ABLIM1: variants seen among roughly 807,000 people sequenced by gnomAD.
ABLIM1 encodes actin binding LIM protein 1.
A neutral mutation model predicts 107.0 loss-of-function variants in ABLIM1; 40 were observed. The observed-to-expected ratio is 0.37, with a 90% CI of 0.29 to 0.49. ABLIM1 has a LOEUF of 0.49. Among genes scored for constraint, ABLIM1 ranks in the 20% least tolerant of loss-of-function variants. The pLI is 0.97. For synonymous variants in ABLIM1, 357 were observed against 357.3 expected (o/e 1.00, Z 0.01); for missense variants, 857 against 1,008.5 (o/e 0.85, Z 2.04).
intron 1 of ABLIM1, among the ~76,000 whole-genome samples, chr10:114,692,842 G>A (rs2081111520): frequency 6.6e-6 from 1 of 152,162 alleles, no homozygotes; most frequent in Admixed American, 6.5e-5. Context: ...GTGAGCTGAG[G>A]TGGTGCCACT....
At chr10:114,699,056 GA>G (rs1449907507) in intron 1 of ABLIM1, among the ~76,000 whole-genome samples, 1 of 136,336 alleles carries the variant, frequency 7.3e-6, no homozygotes, top group African/African-American at 2.8e-5. Flanking sequence ...TTATGATTCA[GA>G]GCCTGGACGA....
the ABLIM1 span, among the ~76,000 whole-genome samples, chr10:114,781,664 G>GTATATATATATATA: frequency 2.0e-4 from 28 of 143,354 alleles, no homozygotes; most frequent in African/African-American, 3.3e-4. Context: ...ATATATGCGT[G>GTATATATATATATA]TATATATATA....
intron 12 of ABLIM1, chr10:114,463,185 G>A (rs1169731961): frequency 3.2e-6 from 4 of 1,249,118 alleles, no homozygotes; most frequent in Admixed American, 2.5e-5. Context: ...AGGAGTCAGG[G>A]GCAGGGCACG....
intron 2 of ABLIM1, 153 bp downstream of exon 2, chr10:114,601,674 C>T (rs1262761065): frequency 3.8e-6 from 5 of 1,300,334 alleles, no homozygotes; most frequent in South Asian, 1.2e-5. Context: ...TAGAGTCTAA[C>T]TGAATCCCAA....
chr10:114,449,690 A>G (rs993345166), intron 14 of ABLIM1, among the ~76,000 whole-genome samples: 1 of 152,244 alleles, frequency 6.6e-6, no homozygotes, highest in African/African-American at 2.4e-5. Context: ...TCCCCTTCTT[A>G]AAGATGGACA....
chr10:114,788,642 C>A, the ABLIM1 span, among the ~76,000 whole-genome samples: 2 of 152,040 alleles, frequency 1.3e-5, no homozygotes, highest in African/African-American at 4.8e-5. Context: ...GCAGGAGAAT[C>A]GCTAGAACCT....
At chr10:114,702,361 A>G (rs1056163853) in intron 1 of ABLIM1, among the ~76,000 whole-genome samples, 2 of 152,220 alleles carry the variant, frequency 1.3e-5, no homozygotes, top group African/African-American at 4.8e-5. Context: ...AATGAAACAT[A>G]CAAATCTGGA....
intron 1 of ABLIM1, among the ~76,000 whole-genome samples, chr10:114,681,344 T>C (rs1283564776): frequency 6.6e-6 from 1 of 152,132 alleles, no homozygotes; most frequent in African/African-American, 2.4e-5. Context: ...TACAGGCGTG[T>C]GTCACCATGC....
chr10:114,490,974 A>ATGTGTGTGTGTGTGTGTGTGTGTGTGTG (rs140256636), intron 7 of ABLIM1, among the ~76,000 whole-genome samples: 1 of 99,276 alleles, frequency 1.0e-5, no homozygotes, highest in African/African-American at 3.9e-5. Flanking sequence ...CGGCATATAT[A>ATGTGTGTGTGTGTGTGTGTGTGTGTGTG]TGTGTGTGTG....
chr10:114,488,569 C>A (rs2058500790), intron 7 of ABLIM1, among the ~76,000 whole-genome samples: 2 of 152,112 alleles, frequency 1.3e-5, no homozygotes, highest in Non-Finnish European at 2.9e-5. Flanking sequence ...AATTATAAAT[C>A]CAAAAATTGC....
upstream of ABLIM1, among the ~76,000 whole-genome samples, chr10:114,771,510 T>C (rs2083024697): frequency 6.6e-6 from 1 of 152,222 alleles, no homozygotes; most frequent in Non-Finnish European, 1.5e-5. Flanking sequence ...TCTTACATTT[T>C]GGAGTTGTGA....
At chr10:114,607,818 GTGA>G (rs2076528471) in intron 1 of ABLIM1, among the ~76,000 whole-genome samples, 1 of 152,220 alleles carries the variant, frequency 6.6e-6, no homozygotes, top group Non-Finnish European at 1.5e-5. Flanking sequence ...CTACGGAGAT[GTGA>G]TGACTAAACG....
intron 4 of ABLIM1, among the ~76,000 whole-genome samples, chr10:114,562,565 T>C (rs1449357128): frequency 6.6e-6 from 1 of 152,320 alleles, no homozygotes; most frequent in East Asian, 1.9e-4. Context: ...CATGTTTTGA[T>C]TCTGTTATCA....
chr10:114,706,884 G>A (rs1178484350), intron 1 of ABLIM1, among the ~76,000 whole-genome samples: 1 of 151,874 alleles, frequency 6.6e-6, no homozygotes, highest in African/African-American at 2.4e-5. Context: ...GCCCTGCCCA[G>A]TCCTAAAGAA....
intron 1 of ABLIM1, among the ~76,000 whole-genome samples, chr10:114,618,003 G>A (rs1051179718): frequency 6.6e-6 from 1 of 152,156 alleles, no homozygotes; most frequent in East Asian, 1.9e-4. Flanking sequence ...TATAATGCAT[G>A]ATGGTAATTG....
the ABLIM1 span, among the ~76,000 whole-genome samples, chr10:114,800,172 T>C: frequency 6.6e-6 from 1 of 152,180 alleles, no homozygotes; most frequent in South Asian, 2.1e-4. Context: ...AAAATTCCTA[T>C]GCCCTTACCT....
chr10:114,692,850 A>T (rs1467842885), intron 1 of ABLIM1, among the ~76,000 whole-genome samples: 1 of 152,248 alleles, frequency 6.6e-6, no homozygotes, highest in African/African-American at 2.4e-5. Flanking sequence ...AGGTGGTGCC[A>T]CTGCATTCCT....
intron 2 of ABLIM1, among the ~76,000 whole-genome samples, chr10:114,600,588 C>T (rs2075882329): frequency 6.6e-6 from 1 of 152,132 alleles, no homozygotes; most frequent in Admixed American, 6.5e-5. Flanking sequence ...GGATAGATGG[C>T]TTAGGATGAC....
intron 1 of ABLIM1, chr10:114,767,987 G>A (rs2082945619): frequency 7.3e-6 from 3 of 410,130 alleles, no homozygotes; most frequent in East Asian, 2.1e-4. Flanking sequence ...CGCGGCTGTC[G>A]CAGCCCCCCC....
Sources: gnomAD v4.1 joint callset for allele counts (sites outside exome capture counted in the v4.1 genomes callset) on GRCh38, gnomAD v4.1.1 for gene constraint, MANE v1.5 for transcripts, NCBI Gene and HGNC (gene_info 2026-07-23, HGNC 2026-07-21) for gene names.